Variants in PTPRO observed in about 807,000 individuals in gnomAD.
PTPRO encodes the protein protein tyrosine phosphatase receptor type O, also known as receptor-type tyrosine-protein phosphatase O.
In PTPRO, 62 loss-of-function variants were observed where a neutral mutation model predicts 145.2. The ratio of observed to expected loss-of-function variants is 0.43; its 90% CI spans 0.35 to 0.53. The LOEUF (loss-of-function observed/expected upper bound fraction) is 0.53. Among genes scored for constraint, PTPRO ranks in the 20% least tolerant of loss-of-function variants. PTPRO has a pLI of 0.01. For synonymous variants in PTPRO, 565 were observed against 514.7 expected, an observed-to-expected ratio of 1.10 and a Z score of -1.32; for missense variants, 1,345 against 1,482.7, an observed-to-expected ratio of 0.91 and a Z score of 1.53.
chr12:15,426,623 A>G lies in PTPRO; in HGVS notation c.76-57351A>G, dbSNP rs929883249. Among the ~76,000 whole-genome samples the G allele has an allele frequency of 2.0e-5, 3 of 152,036 alleles. No individual in the cohort carries two copies. In the East Asian group the frequency reaches 5.8e-4, roughly 29 times the overall value. On this transcript the variant is annotated intron_variant, in intron 1 of 26. Coordinates refer to ENST00000281171, the MANE Select transcript of PTPRO (RefSeq NM_030667.3). ...TCAATCTTTTGTCTCAGAACTTTCT[A>G]GCATCTTGTGTTTCAGGGAAGGCTG...
intron 12 of PTPRO, among the ~76,000 whole-genome samples, chr12:15,528,331 A>G (rs368394962): frequency 6.4e-4 from 97 of 150,674 alleles, no homozygotes; most frequent in African/African-American, 2.3e-3. Flanking sequence ...CCTGGCTAAC[A>G]TGGTGAAACC....
At chr12:15,525,729 G>A (rs935018910) in intron 11 of PTPRO, among the ~76,000 whole-genome samples, 2 of 152,222 alleles carry the variant, frequency 1.3e-5, no homozygotes, top group African/African-American at 4.8e-5. Flanking sequence ...AGCTGTAGGA[G>A]AGGATGGGAA....
In PTPRO at chr12:15,357,699, C is replaced by T. The variant is rs1405103203; in HGVS notation, c.75+34898C>T. 4.0e-5 allele frequency among the ~76,000 whole-genome samples: 6 copies of T among 151,488 alleles called. 1 individual carries two copies. The highest frequency in any genetic ancestry group is 6.3e-3 in the Middle Eastern group (2 of 316). ...AACCACAGTGAGATACCATCTCACA[C>T]CACTTAGAATGGCAATCATTAAAAA... On this transcript the variant is annotated intron_variant, in intron 1 of 26. Transcript: ENST00000281171.
At chr12:15,504,919 T>C (rs1042125617) in intron 6 of PTPRO, among the ~76,000 whole-genome samples, 5 of 152,146 alleles carry the variant, frequency 3.3e-5, no homozygotes, top group Non-Finnish European at 4.4e-5. Context: ...ATATCCCATA[T>C]AATATTTTTA....
intron 1 of PTPRO, among the ~76,000 whole-genome samples, chr12:15,457,027 G>C (rs556524133): frequency 2.0e-5 from 3 of 151,114 alleles, no homozygotes; most frequent in African/African-American, 7.3e-5. Flanking sequence ...TCTTTTTCTG[G>C]TTCTTTGGGG....
At chr12:15,554,614 A>C (rs1271818518) in intron 15 of PTPRO, among the ~76,000 whole-genome samples, 1 of 152,108 alleles carries the variant, frequency 6.6e-6, no homozygotes, top group Non-Finnish European at 1.5e-5. Flanking sequence ...GCACAGGAGA[A>C]AGATGTAGGC....
chr12:15,379,078 G>T (rs2136271740), intron 1 of PTPRO, among the ~76,000 whole-genome samples: 1 of 152,220 alleles, frequency 6.6e-6, no homozygotes, highest in South Asian at 2.1e-4. Flanking sequence ...TACATTGCTG[G>T]TGAGAAGGTA....
intron 1 of PTPRO, among the ~76,000 whole-genome samples, chr12:15,427,586 TTG>T (rs1331707158): frequency 1.3e-5 from 2 of 151,792 alleles, no homozygotes; most frequent in Non-Finnish European, 2.9e-5. Context: ...TTTAATTATA[TTG>T]TCTCATTATG....
At position 15,505,448 on chromosome 12, in the gene PTPRO, C is replaced by G. The variant is rs77149411; in HGVS notation, c.1267+1379C>G. On this transcript the variant is annotated intron_variant, in intron 6 of 26. Coordinates refer to ENST00000281171, the MANE Select transcript of PTPRO (RefSeq NM_030667.3). Reference sequence around the variant, plus strand: ...GCACTCTGCTCTATTCTTAGAGTATCTAAAGCGACTAGTGCCATTGAGAAT... The same window carrying G: ...GCACTCTGCTCTATTCTTAGAGTATGTAAAGCGACTAGTGCCATTGAGAAT... Among the ~76,000 whole-genome samples, 64 of 152,292 alleles carry G rather than the reference C, an allele frequency of 4.2e-4. No individual in the cohort carries two copies. The East Asian group carries it at 0.012, about 29-fold the overall frequency.
rs1209628034 is a variant in PTPRO, at chr12:15,341,781, A to AAAAAC, written c.75+18995_75+18999dup. On this transcript the variant is annotated intron_variant, in intron 1 of 26. Coordinates refer to ENST00000281171, the MANE Select transcript of PTPRO (RefSeq NM_030667.3). ...GTAAGAGAAAACCAAGTACCTGATT[A>AAAAAC]AAAACAAAACAAAACAAAAAGGTCG... Among the ~76,000 whole-genome samples, 6 of 152,330 alleles carry AAAAAC rather than the reference A, an allele frequency of 3.9e-5. No individual in the cohort carries two copies. The East Asian group carries it at 7.7e-4, about 20-fold the overall frequency.
At chr12:15,564,162 A>G (rs922129514) in intron 17 of PTPRO, among the ~76,000 whole-genome samples, 3 of 152,186 alleles carry the variant, frequency 2.0e-5, no homozygotes, top group Non-Finnish European at 4.4e-5. Context: ...GGGAGAAAAA[A>G]TAGAACAAGA....
chr12:15,360,849 T>C lies in PTPRO; in HGVS notation c.75+38048T>C, dbSNP rs535923420. Reference sequence around the variant, plus strand: ...GTGTGTATATATATACGTGTGTATATATGTGTGTGTATATATGTGTGTATA... The same window carrying C: ...GTGTGTATATATATACGTGTGTATACATGTGTGTGTATATATGTGTGTATA... On this transcript the variant is annotated intron_variant, in intron 1 of 26. Transcript: ENST00000281171. 2.5e-5 allele frequency among the ~76,000 whole-genome samples: 3 copies of C among 120,946 alleles called. 1 individual carries two copies. Among genetic ancestry groups the C allele is most frequent in the African/African-American group, 8.6e-5 (3 of 34,796 alleles). The allele number at this position is 120,946 out of a possible 152,430, so 79.3% of individuals were successfully genotyped here.
Position 15,365,892 on chromosome 12 carries a change from A to G in PTPRO, c.75+43091A>G, listed in dbSNP as rs140284232. Among the ~76,000 whole-genome samples the G allele has an allele frequency of 1.3e-3, 197 of 152,304 alleles. 2 individuals carry two copies. Among genetic ancestry groups the G allele is most frequent in the African/African-American group, 4.6e-3 (190 of 41,582 alleles). ...CAATATAAAAAATATGTAAGGAATA[A>G]TATTAATTCTGAATCCTGGCCCATT... On this transcript the variant is annotated intron_variant, in intron 1 of 26. Transcript: ENST00000281171.
intron 14 of PTPRO, among the ~76,000 whole-genome samples, chr12:15,550,858 G>A (rs1005241559): frequency 1.4e-4 from 21 of 152,074 alleles, no homozygotes; most frequent in East Asian, 5.8e-4. Context: ...CTGTTCTTCC[G>A]TGTAGTATGA....
intron 6 of PTPRO, among the ~76,000 whole-genome samples, chr12:15,506,382 T>C (rs1942321677): frequency 6.6e-6 from 1 of 152,216 alleles, no homozygotes; most frequent in Non-Finnish European, 1.5e-5. Flanking sequence ...GCAGCTTGTT[T>C]ATATCTCTGG....
At chr12:15,567,944 A>C (rs555810019) in intron 18 of PTPRO, among the ~76,000 whole-genome samples, 30 of 152,330 alleles carry the variant, frequency 2.0e-4, no homozygotes, top group African/African-American at 7.0e-4. Context: ...GTGACTATTT[A>C]TGAAGTGTAG....
At chr12:15,512,911 G>T (rs10846186) in intron 7 of PTPRO, among the ~76,000 whole-genome samples, 101,971 of 151,410 alleles carry the variant, frequency 0.67, 34,894 homozygotes, top group Admixed American at 0.73. Context: ...CAAGAATCAC[G>T]TGAACCCAGG....
intron 1 of PTPRO, among the ~76,000 whole-genome samples, chr12:15,419,518 G>A (rs1940074265): frequency 6.6e-6 from 1 of 151,680 alleles, no homozygotes; most frequent in South Asian, 2.1e-4. Context: ...TTTTCTAACA[G>A]TTCAGGTGAA....
intron 1 of PTPRO, among the ~76,000 whole-genome samples, chr12:15,343,989 TA>T (rs1867106867): frequency 1.3e-5 from 2 of 152,328 alleles, no homozygotes; most frequent in Admixed American, 6.5e-5. Flanking sequence ...CGGCCATAAA[TA>T]AACAATCTTT....
Sources: gnomAD v4.1 joint callset for allele counts (sites outside exome capture counted in the v4.1 genomes callset) on GRCh38, gnomAD v4.1.1 for gene constraint, MANE v1.5 for transcripts, NCBI Gene and HGNC (gene_info 2026-07-23, HGNC 2026-07-21) for gene names.